The following ABCC12 variants were observed in gnomAD, a reference collection of about 807,000 sequenced individuals.
The protein encoded by ABCC12 is ATP-binding cassette sub-family C member 12.
In ABCC12, 142 loss-of-function variants were observed where a neutral mutation model predicts 151.1. That is an observed-to-expected ratio of 0.94 (90% confidence interval 0.82 to 1.08). The LOEUF (loss-of-function observed/expected upper bound fraction) is 1.08. Among genes scored for constraint, ABCC12 ranks in the 50% least tolerant of loss-of-function variants. The pLI is 0.00. For missense variants in ABCC12, 1,638 were observed against 1,691.1 expected (o/e 0.97, Z 0.55); for synonymous variants, 645 against 646.4 (o/e 1.00, Z 0.03).
intron 9 of ABCC12, among the ~76,000 whole-genome samples, chr16:48,131,490 G>T (rs571660117): frequency 6.6e-5 from 10 of 152,198 alleles, no homozygotes; most frequent in African/African-American, 1.7e-4. Context: ...GTCAACTGTG[G>T]TTCCCCCTCA....
At chr16:48,104,831 G>A (rs1329132087) in intron 21 of ABCC12, among the ~76,000 whole-genome samples, 1 of 152,208 alleles carries the variant, frequency 6.6e-6, no homozygotes, top group Non-Finnish European at 1.5e-5. Context: ...ATCTCTTGAG[G>A]GCCGTGTCGC....
Position 48,082,293 on chromosome 16 carries a change from T to G in ABCC12, c.*1422A>C, listed in dbSNP as rs1158694020. ...GTTATAAGCTCTACCTAAGGCCAGG[T>G]GTGCTCACCTCCCCGCTGGTTGGGT... On this transcript the variant is annotated 3_prime_UTR_variant, in exon 31 of 31. Coordinates refer to ENST00000311303, the MANE Select transcript of ABCC12 (RefSeq NM_001393797.1). Among the ~76,000 whole-genome samples the G allele has an allele frequency of 6.6e-6, 1 of 152,170 alleles. No homozygotes were observed. The highest frequency in any genetic ancestry group is 1.5e-5 in the Non-Finnish European group (1 of 68,022).
intron 2 of ABCC12, among the ~76,000 whole-genome samples, chr16:48,148,482 C>T (rs1246164427): frequency 6.6e-6 from 1 of 152,178 alleles, no homozygotes; most frequent in Admixed American, 6.5e-5. Context: ...AGCAATCTGC[C>T]TGCTTCAGCC....
rs557872364 is a variant in ABCC12 at position 48,104,382 on chromosome 16, T to C, written c.2674-14A>G. ...GCTCTTTAAGATCTGTGGAGAATGG[T>C]AGAGAGTCAAACAGAGTCGAGATGC... is the stretch of plus-strand genomic sequence containing the variant. On this transcript the variant is annotated splice_polypyrimidine_tract_variant and intron_variant, in intron 21 of 30. Transcript: ENST00000311303. 83 of 1,611,948 alleles carry C rather than the reference T, an allele frequency of 5.1e-5. 3 individuals are homozygous for C. In the South Asian group the frequency reaches 7.8e-4, roughly 15 times the overall value.
At chr16:48,142,399 C>T (rs1964848805) in intron 4 of ABCC12, among the ~76,000 whole-genome samples, 1 of 152,164 alleles carries the variant, frequency 6.6e-6, no homozygotes, top group Non-Finnish European at 1.5e-5. Context: ...AGGAGCATAA[C>T]ACAGAATGGC....
Position 48,105,295 on chromosome 16 carries a change from G to A in ABCC12, c.2517C>T (p.Val839=), listed in dbSNP as rs746329847. Residue 839 remains valine (V), a synonymous_variant, in exon 21 of 31, where the codon GTC becomes GTT. Transcript: ENST00000311303. ...GACCGATGTCTGCCAGCACCGCGCC[G>A]ACCTCACACATGGTCCTGTTGCCCT... ...GPQGNRTMCE[V]GAVLADIGQH... is the part of the protein sequence containing the mutation. 51 of 1,613,092 alleles carry A rather than the reference G, an allele frequency of 3.2e-5. No homozygotes were observed. The African/African-American group carries it at 4.1e-4, about 13-fold the overall frequency.
chr16:48,084,203 A>C, intron 29 of ABCC12, 130 bp from the exon 30 acceptor site: 1 of 922,240 alleles, frequency 1.1e-6, no homozygotes, highest in Non-Finnish European at 1.6e-6. Context: ...TTAGCTAAAC[A>C]TCCATCTCAA....
intron 22 of ABCC12, among the ~76,000 whole-genome samples, chr16:48,103,821 G>T (rs1287007835): frequency 6.6e-6 from 1 of 152,224 alleles, no homozygotes; most frequent in South Asian, 2.1e-4. Context: ...CCATGGTTAG[G>T]GTGGCGGTTA....
chr16:48,082,307 C>T lies in ABCC12; in HGVS notation c.*1408G>A, dbSNP rs894865227. On this transcript the variant is annotated 3_prime_UTR_variant, in exon 31 of 31. Transcript: ENST00000311303. ...CTAAGGCCAGGTGTGCTCACCTCCC[C>T]GCTGGTTGGGTAGACCCCTGCCCAG... Among the ~76,000 whole-genome samples the T allele has an allele frequency of 1.3e-5, 2 of 152,236 alleles. No individual in the cohort carries two copies. The highest frequency in any genetic ancestry group is 2.4e-5 in the African/African-American group (1 of 41,460).
chr16:48,091,315 G>A, intron 24 of ABCC12, 106 bp from the exon 25 acceptor site: 2 of 957,346 alleles, frequency 2.1e-6, no homozygotes, highest in Non-Finnish European at 3.4e-6. Flanking sequence ...CCCCTGCCTA[G>A]CGCAAGACAG....
intron 20 of ABCC12, among the ~76,000 whole-genome samples, chr16:48,107,090 C>T (rs1469267900): frequency 6.6e-6 from 1 of 152,178 alleles, no homozygotes; most frequent in Non-Finnish European, 1.5e-5. Flanking sequence ...CTTCTTTAGT[C>T]AACCCTTTAA....
At chr16:48,101,118 G>T in intron 22 of ABCC12, 109 bp from the exon 23 acceptor site, 1 of 1,300,684 alleles carries the variant, frequency 7.7e-7, no homozygotes, top group Non-Finnish European at 1.0e-6. Flanking sequence ...TTAAGTCAGA[G>T]ACGGTGCCAT....
At chr16:48,125,799 C>G (rs1025760022) in intron 11 of ABCC12, among the ~76,000 whole-genome samples, 3 of 152,196 alleles carry the variant, frequency 2.0e-5, no homozygotes, top group Non-Finnish European at 4.4e-5. Flanking sequence ...AGAGTCGCTG[C>G]CTGTCATCAA....
In ABCC12 at chr16:48,107,428, G is replaced by A; in HGVS notation, c.2372-3C>T. 1 of 1,613,870 alleles carries A rather than the reference G, an allele frequency of 6.2e-7. No individual in the cohort carries two copies. Among genetic ancestry groups the A allele is most frequent in the Admixed American group, 1.7e-5 (1 of 60,020 alleles). Reference sequence around the variant, plus strand: ...AGTGAAGAGAGAAAGGAGGTACCCTGCAAGAGGAGCGGAGAGGCCCAAGGG... The same window carrying A: ...AGTGAAGAGAGAAAGGAGGTACCCTACAAGAGGAGCGGAGAGGCCCAAGGG... On this transcript the variant is annotated splice_region_variant and splice_polypyrimidine_tract_variant and intron_variant, in intron 19 of 30. Coordinates refer to ENST00000311303, the MANE Select transcript of ABCC12 (RefSeq NM_001393797.1).
rs150215788 is a variant in ABCC12, at chr16:48,146,319, G to A, written c.106C>T (p.Arg36Ter). 1.8e-5 allele frequency: 29 copies of A among 1,613,962 alleles called. No homozygotes were observed. The highest frequency in any genetic ancestry group is 2.2e-5 in the East Asian group (1 of 44,896). Residue 36 changes from arginine to a stop codon, truncating the protein, a stop_gained, in exon 3 of 31, where the codon CGA (arginine) becomes TGA (stop). Coordinates refer to ENST00000311303, the MANE Select transcript of ABCC12 (RefSeq NM_001393797.1). LOFTEE classifies it high-confidence loss of function. ...DPSLKTMIPVRPCARLAPNPV... is the reference protein window; with the variant it reads ...DPSLKTMIPV ...CTTCTGACTTACCTTGCACAGGGTCGCACTGGGATCATGGTCTTCAGGCTG... is the reference window on the plus strand; with the variant it reads ...CTTCTGACTTACCTTGCACAGGGTCACACTGGGATCATGGTCTTCAGGCTG...
chr16:48,104,020 TA>T, intron 22 of ABCC12, 121 bp downstream of exon 22: 2 of 1,071,342 alleles, frequency 1.9e-6, no homozygotes, highest in Non-Finnish European at 2.6e-6. Flanking sequence ...ATTTACTAAG[TA>T]CAAAAAAAAT....
At chr16:48,106,009 A>G (rs113731533) in intron 20 of ABCC12, among the ~76,000 whole-genome samples, 67 of 152,292 alleles carry the variant, frequency 4.4e-4, no homozygotes, top group African/African-American at 1.5e-3. Flanking sequence ...TTTTGCCGGC[A>G]CTTCTGAGGA....
At chr16:48,133,655 T>C in intron 9 of ABCC12, 32 bp downstream of exon 9, 2 of 1,609,382 alleles carry the variant, frequency 1.2e-6, no homozygotes, top group Non-Finnish European at 1.7e-6. Context: ...GGTCAGGTTG[T>C]GAAAGAGCCT....
chr16:48,126,999 C>T (rs958743943), intron 11 of ABCC12, among the ~76,000 whole-genome samples: 1 of 152,014 alleles, frequency 6.6e-6, no homozygotes, highest in Non-Finnish European at 1.5e-5. Context: ...AGGTGCTCCA[C>T]GGGGAGAGTG....
Sources: gnomAD v4.1 joint callset for allele counts (sites outside exome capture counted in the v4.1 genomes callset) on GRCh38, gnomAD v4.1.1 for gene constraint, MANE v1.5 for transcripts, NCBI Gene and HGNC (gene_info 2026-07-23, HGNC 2026-07-21) for gene names.